SAMD5: variants seen among roughly 807,000 people sequenced by gnomAD.
SAMD5 encodes sterile alpha motif domain-containing protein 5.
In SAMD5, 13 loss-of-function variants were observed where a neutral mutation model predicts 11.3. The observed-to-expected ratio is 1.15, with a 90% CI of 0.75 to 1.83. The LOEUF (loss-of-function observed/expected upper bound fraction) is 1.83, where lower values mean the gene tolerates loss of function less well. Among genes scored for constraint, SAMD5 ranks in the 40% most tolerant of loss-of-function variants. The pLI is 0.00. For synonymous variants in SAMD5, 129 were observed against 111.3 expected (o/e 1.16, Z -1.00); for missense variants, 255 against 239.1 (o/e 1.07, Z -0.44).
At chr6:147,776,867 G>T in the SAMD5 span, among the ~76,000 whole-genome samples, 2 of 152,160 alleles carry the variant, frequency 1.3e-5, no homozygotes, top group Non-Finnish European at 1.5e-5. Context: ...CCAGGAATTG[G>T]CCTGTGCCTC....
At chr6:147,892,563 G>A in the SAMD5 span, among the ~76,000 whole-genome samples, 1 of 152,092 alleles carries the variant, frequency 6.6e-6, no homozygotes, top group Admixed American at 6.6e-5. Context: ...CTGCCCTGTA[G>A]GTCCTGTCTT....
downstream of SAMD5, among the ~76,000 whole-genome samples, chr6:147,572,542 C>CAGAG (rs1789152466): frequency 6.6e-6 from 1 of 152,096 alleles, no homozygotes. Context: ...GTGGTATGAT[C>CAGAG]GTGGCTCACT....
Position 147,582,272 on chromosome 6 carries a change from C to T in SAMD5, c.162+72885C>T, listed in dbSNP as rs371235626. Among the ~76,000 whole-genome samples the T allele has an allele frequency of 1.6e-4, 24 of 151,242 alleles. 1 individual carries two copies. The highest frequency in any genetic ancestry group is 5.1e-4 in the African/African-American group (21 of 41,146). On this transcript the variant is annotated intron_variant, in intron 1 of 1. Transcript: ENST00000566741. ...TACTTGGCTACCTGGGAGGCTGAGG[C>T]GGGAGAATCACTTGAACCCAGGAGG... is the stretch of plus-strand genomic sequence containing the variant.
chr6:147,796,634 T>C, the SAMD5 span, among the ~76,000 whole-genome samples: 1 of 152,220 alleles, frequency 6.6e-6, no homozygotes, highest in African/African-American at 2.4e-5. Context: ...GGGGATGGCA[T>C]TGAATCTATA....
chr6:147,822,344 C>T, the SAMD5 span, among the ~76,000 whole-genome samples: 1 of 152,160 alleles, frequency 6.6e-6, no homozygotes, highest in African/African-American at 2.4e-5. Flanking sequence ...GTTATTATTC[C>T]TTTAACGGTG....
intron 1 of SAMD5, among the ~76,000 whole-genome samples, chr6:147,710,094 G>T (rs1277069067): frequency 6.6e-6 from 1 of 152,166 alleles, no homozygotes; most frequent in African/African-American, 2.4e-5. Flanking sequence ...GCAGTTGCAG[G>T]CTTTCTCATG....
At chr6:147,838,436 C>T in the SAMD5 span, among the ~76,000 whole-genome samples, 5 of 151,656 alleles carry the variant, frequency 3.3e-5, no homozygotes, top group African/African-American at 9.7e-5. Context: ...GGTAATAATA[C>T]TGTTTAATGG....
intron 1 of SAMD5, among the ~76,000 whole-genome samples, chr6:147,523,257 G>T (rs181555167): frequency 3.3e-5 from 5 of 152,250 alleles, no homozygotes; most frequent in Admixed American, 2.6e-4. Context: ...AACTCAATGT[G>T]TAACAAAGGT....
At chr6:147,774,061 C>T in the SAMD5 span, among the ~76,000 whole-genome samples, 1 of 152,230 alleles carries the variant, frequency 6.6e-6, no homozygotes, top group African/African-American at 2.4e-5. Flanking sequence ...AGACTGACCT[C>T]AAACTCCTGG....
chr6:147,522,934 A>T (rs1562311892), intron 1 of SAMD5, among the ~76,000 whole-genome samples: 1 of 152,182 alleles, frequency 6.6e-6, no homozygotes, highest in Non-Finnish European at 1.5e-5. Flanking sequence ...GTGAGGGGGC[A>T]AGGAGTTAAT....
At chr6:147,713,442 G>T (rs1305309757) in intron 1 of SAMD5, among the ~76,000 whole-genome samples, 3 of 152,094 alleles carry the variant, frequency 2.0e-5, no homozygotes, top group African/African-American at 7.2e-5. Flanking sequence ...GGTTGTTCTG[G>T]ATACCTCCTC....
chr6:147,731,702 C>CTCCT (rs1562362425), intron 1 of SAMD5, among the ~76,000 whole-genome samples: 4 of 149,782 alleles, frequency 2.7e-5, no homozygotes, highest in South Asian at 2.2e-4. Context: ...CCCTCCCTCC[C>CTCCT]TCCTTTCCTT....
chr6:147,862,406 G>C, the SAMD5 span, among the ~76,000 whole-genome samples: 1 of 152,070 alleles, frequency 6.6e-6, no homozygotes, highest in South Asian at 2.1e-4. Flanking sequence ...ATTGAGTCTG[G>C]TTCTCCTTTA....
At chr6:147,732,694 G>T (rs1166185482) in intron 1 of SAMD5, among the ~76,000 whole-genome samples, 2 of 152,044 alleles carry the variant, frequency 1.3e-5, no homozygotes, top group African/African-American at 2.4e-5. Context: ...TTTGTTCAAG[G>T]GTATTTGTTT....
chr6:147,919,121 A>G, the SAMD5 span, among the ~76,000 whole-genome samples: 1 of 152,218 alleles, frequency 6.6e-6, no homozygotes, highest in Non-Finnish European at 1.5e-5. Flanking sequence ...GTCCCTTGGC[A>G]AATGGCGTAG....
intron 1 of SAMD5, among the ~76,000 whole-genome samples, chr6:147,622,299 C>T (rs898683399): frequency 6.6e-6 from 1 of 152,220 alleles, no homozygotes; most frequent in Non-Finnish European, 1.5e-5. Flanking sequence ...CTACTTAATA[C>T]AGTGCAGATG....
chr6:147,537,387 G>A (rs920887243), intron 1 of SAMD5, among the ~76,000 whole-genome samples: 2 of 152,064 alleles, frequency 1.3e-5, no homozygotes, highest in African/African-American at 4.8e-5. Context: ...TGGATATCAC[G>A]AAATAGAATT....
the SAMD5 span, among the ~76,000 whole-genome samples, chr6:147,803,106 C>T: frequency 0.012 from 1,856 of 148,818 alleles, 51 homozygotes; most frequent in African/African-American, 0.043. Flanking sequence ...CTCTATATAA[C>T]ATATAAGACT....
chr6:147,846,822 AAAAAC>A, the SAMD5 span, among the ~76,000 whole-genome samples: 3 of 152,222 alleles, frequency 2.0e-5, no homozygotes, highest in African/African-American at 7.2e-5. Context: ...TGTCTCCAAG[AAAAAC>A]AAAACAAAAC....
Sources: allele counts gnomAD v4.1 joint callset (sites outside exome capture counted in the v4.1 genomes callset), GRCh38; gene constraint gnomAD v4.1.1; transcripts MANE v1.5; gene names NCBI Gene and HGNC (gene_info 2026-07-23, HGNC 2026-07-21).